The following GPR158 variants were observed in gnomAD, a reference collection of about 807,000 sequenced individuals.
GPR158 encodes G protein-coupled receptor 158.
GPR158 carries 30 observed loss-of-function variants against 78.2 expected under a neutral mutation model. That is an observed-to-expected ratio of 0.38 (90% confidence interval 0.29 to 0.52). The LOEUF (loss-of-function observed/expected upper bound fraction) is 0.52. Ranked by LOEUF, GPR158 falls within the 20% of genes least tolerant of loss-of-function variation. The pLI is 0.83. For missense variants in GPR158, 1,463 were observed against 1,523.5 expected (o/e 0.96, Z 0.66); for synonymous variants, 581 against 591.1 (o/e 0.98, Z 0.25).
At chr10:25,187,125 C>T (rs1018377585) in intron 1 of GPR158, among the ~76,000 whole-genome samples, 9 of 151,970 alleles carry the variant, frequency 5.9e-5, no homozygotes, top group South Asian at 4.2e-4. Flanking sequence ...CCATCACGCC[C>T]GGCTATTTTT....
At chr10:25,540,795 G>A (rs1335665780) in intron 5 of GPR158, among the ~76,000 whole-genome samples, 1 of 151,840 alleles carries the variant, frequency 6.6e-6, no homozygotes, top group Non-Finnish European at 1.5e-5. Context: ...CCTGTCGTGG[G>A]GTGGGGGGAG....
At chr10:25,562,814 C>T (rs1040822355) in intron 6 of GPR158, among the ~76,000 whole-genome samples, 1 of 152,158 alleles carries the variant, frequency 6.6e-6, no homozygotes, top group African/African-American at 2.4e-5. Context: ...TGTTCGAGTC[C>T]TTTGTCTCCT....
At chr10:25,426,787 A>T (rs1038973362) in intron 4 of GPR158, among the ~76,000 whole-genome samples, 2 of 117,836 alleles carry the variant, frequency 1.7e-5, no homozygotes, top group Admixed American at 1.7e-4. Flanking sequence ...AAGTGAGCAC[A>T]TGCTGTTGGA....
intron 2 of GPR158, among the ~76,000 whole-genome samples, chr10:25,301,992 CT>C (rs998578715): frequency 6.6e-6 from 1 of 151,298 alleles, no homozygotes; most frequent in African/African-American, 2.4e-5. Context: ...ATGTATTTTT[CT>C]GTGTCTGGCT....
intron 5 of GPR158, among the ~76,000 whole-genome samples, chr10:25,532,015 C>T (rs1239270613): frequency 6.6e-6 from 1 of 151,076 alleles, no homozygotes; most frequent in Non-Finnish European, 1.5e-5. Flanking sequence ...GACTTCTTCA[C>T]AGAGGGAGAC....
chr10:25,241,987 C>T (rs1853634707), intron 2 of GPR158, among the ~76,000 whole-genome samples: 1 of 152,290 alleles, frequency 6.6e-6, no homozygotes, highest in Non-Finnish European at 1.5e-5. Flanking sequence ...ATCTACTTAA[C>T]AAATGTTGGC....
intron 2 of GPR158, among the ~76,000 whole-genome samples, chr10:25,235,417 CTCT>C (rs1411501983): frequency 7.0e-6 from 1 of 143,122 alleles, no homozygotes; most frequent in Admixed American, 6.9e-5. Context: ...ATGGTTATTT[CTCT>C]TCTTCCTTTT....
intron 2 of GPR158, among the ~76,000 whole-genome samples, chr10:25,238,214 T>C (rs1410122048): frequency 1.3e-5 from 2 of 152,190 alleles, no homozygotes; most frequent in Non-Finnish European, 2.9e-5. Flanking sequence ...CCTTCCAGTT[T>C]CTTCACTCCA....
intron 3 of GPR158, among the ~76,000 whole-genome samples, chr10:25,409,807 A>G (rs1441061309): frequency 2.0e-5 from 3 of 152,216 alleles, no homozygotes; most frequent in Non-Finnish European, 2.9e-5. Context: ...AAGAAAACAA[A>G]AAACAAAATC....
At chr10:25,236,706 G>A (rs951219864) in intron 2 of GPR158, among the ~76,000 whole-genome samples, 3 of 151,808 alleles carry the variant, frequency 2.0e-5, no homozygotes, top group African/African-American at 7.3e-5. Flanking sequence ...GTTGCTCTCG[G>A]TGAGCCTTTA....
chr10:25,208,573 T>C (rs1036432118), intron 1 of GPR158, among the ~76,000 whole-genome samples: 5 of 148,118 alleles, frequency 3.4e-5, no homozygotes, highest in Non-Finnish European at 7.4e-5. Context: ...TGTGTGTGTG[T>C]GTGTGTGTGT....
In GPR158 at chr10:25,187,987, T is replaced by G. The variant is rs558064120; in HGVS notation, c.902+11665T>G. Among the ~76,000 whole-genome samples, 1,027 of 152,138 alleles carry G rather than the reference T, an allele frequency of 6.8e-3. 23 individuals are homozygous for G. The highest frequency in any genetic ancestry group is 0.024 in the African/African-American group (983 of 41,504). ...AATCACAAGCATTCCTATACACCAA[T>G]AACAGACAAACAGAGAGCCAAATTA... On this transcript the variant is annotated intron_variant, in intron 1 of 10. Transcript: ENST00000376351.
At chr10:25,240,196 T>C (rs1400714119) in intron 2 of GPR158, among the ~76,000 whole-genome samples, 1 of 152,168 alleles carries the variant, frequency 6.6e-6, no homozygotes, top group African/African-American at 2.4e-5. Context: ...ATCAAATAAG[T>C]GCTCTGAAAG....
At chr10:25,549,634 A>T (rs1309598988) in intron 5 of GPR158, among the ~76,000 whole-genome samples, 1 of 152,082 alleles carries the variant, frequency 6.6e-6, no homozygotes, top group Admixed American at 6.6e-5. Context: ...GCAAAACAAC[A>T]TTGTCTCCTG....
rs115014822 is a variant in GPR158 at position 25,426,622 on chromosome 10, A to G, written c.1335+14149A>G. ...CAGTGGAGCAGTCAGAATACACAAG[A>G]TTTATGAAGTCTGCTGTCTTACATG... is the stretch of plus-strand genomic sequence containing the variant. On this transcript the variant is annotated intron_variant, in intron 4 of 10. Transcript: ENST00000376351. Among the ~76,000 whole-genome samples, 895 of 152,200 alleles carry G rather than the reference A, an allele frequency of 5.9e-3. 11 individuals carry two copies. The highest frequency in any genetic ancestry group is 0.02 in the Middle Eastern group (6 of 294).
intron 2 of GPR158, among the ~76,000 whole-genome samples, chr10:25,302,524 A>G (rs1854614487): frequency 6.6e-6 from 1 of 152,026 alleles, no homozygotes; most frequent in Admixed American, 6.6e-5. Context: ...AGGCTTTTCT[A>G]GGTAGGGTCT....
intron 4 of GPR158, among the ~76,000 whole-genome samples, chr10:25,423,847 G>A (rs1280558331): frequency 7.2e-5 from 11 of 152,136 alleles, no homozygotes; most frequent in Admixed American, 2.6e-4. Flanking sequence ...ATAAACATAC[G>A]TGTGCATGTG....
In GPR158 at chr10:25,572,904, TTCGTA is replaced by T; in HGVS notation, c.1753+19_1753+23del. The T allele has an allele frequency of 7.2e-7, 1 of 1,383,868 alleles. No homozygotes were observed. The highest frequency in any genetic ancestry group is 1.7e-5 in the Admixed American group (1 of 59,746). The allele number at this position is 1,383,868 out of a possible 1,614,324, so 85.7% of individuals were successfully genotyped here. On this transcript the variant is annotated intron_variant, in intron 7 of 10. Coordinates refer to ENST00000376351, the MANE Select transcript of GPR158 (RefSeq NM_020752.3). ...CAGCAGTTGGTATGTGGTCACTTGT[TTCGTA>T]TGATGGTCTTACCATTTTTCAGTAG... is the stretch of plus-strand genomic sequence containing the variant.
At position 25,535,708 on chromosome 10, in the gene GPR158, C is replaced by T. The variant is rs145177579; in HGVS notation, c.1405-15268C>T. On this transcript the variant is annotated intron_variant, in intron 5 of 10. Transcript: ENST00000376351. The stretch of plus-strand genomic sequence containing the variant: ...TAGATAATGAATGCACCTTGATTGT[C>T]CTGGTTTTATCCATCATATTAATAG... Among the ~76,000 whole-genome samples, 184 of 152,258 alleles carry T rather than the reference C, an allele frequency of 1.2e-3. 1 individual carries two copies. The highest frequency in any genetic ancestry group is 1.6e-3 in the Non-Finnish European group (111 of 68,022).
Sources: allele counts gnomAD v4.1 joint callset (sites outside exome capture counted in the v4.1 genomes callset), GRCh38; gene constraint gnomAD v4.1.1; transcripts MANE v1.5; gene names NCBI Gene and HGNC (gene_info 2026-07-23, HGNC 2026-07-21).